The following BARX2 variants were observed in gnomAD, a reference collection of about 807,000 sequenced individuals.
The protein encoded by BARX2 is BARX homeobox 2.
A neutral mutation model predicts 25.5 loss-of-function variants in BARX2; 11 were observed. The ratio of observed to expected loss-of-function variants is 0.43; its 90% CI spans 0.27 to 0.71. The LOEUF is 0.71. Ranked by LOEUF, BARX2 falls within the 30% of genes least tolerant of loss-of-function variation. The pLI is 0.19. For synonymous variants in BARX2, 137 were observed against 149.5 expected, an observed-to-expected ratio of 0.92 and a Z score of 0.61; for missense variants, 360 against 359.9, an observed-to-expected ratio of 1.00 and a Z score of 0.00.
chr11:129,391,176 G>T (rs1004395070), intron 1 of BARX2, among the ~76,000 whole-genome samples: 6 of 152,160 alleles, frequency 3.9e-5, no homozygotes, highest in African/African-American at 1.4e-4. Context: ...CCAGGGATTG[G>T]CTAAATCTGG....
At chr11:129,441,922 C>T (rs1162680226) in intron 2 of BARX2, among the ~76,000 whole-genome samples, 1 of 152,150 alleles carries the variant, frequency 6.6e-6, no homozygotes, top group East Asian at 1.9e-4. Context: ...AGGGGCTTAG[C>T]ATGTACCCTG....
At chr11:129,386,437 TG>T (rs1861617019) in intron 1 of BARX2, among the ~76,000 whole-genome samples, 1 of 152,224 alleles carries the variant, frequency 6.6e-6, no homozygotes, top group African/African-American at 2.4e-5. Flanking sequence ...GAAAGAATAA[TG>T]TTGATATTGG....
intron 2 of BARX2, among the ~76,000 whole-genome samples, chr11:129,439,823 C>T (rs1862235205): frequency 6.6e-6 from 1 of 152,190 alleles, no homozygotes; most frequent in African/African-American, 2.4e-5. Flanking sequence ...GTGGAGTGGG[C>T]ACCTTTGTCT....
intron 1 of BARX2, among the ~76,000 whole-genome samples, chr11:129,380,720 C>A (rs1270104238): frequency 6.6e-6 from 1 of 151,982 alleles, no homozygotes; most frequent in African/African-American, 2.4e-5. Flanking sequence ...CATCCAGGGT[C>A]AGTATATATT....
chr11:129,451,786 A>G lies in BARX2; in HGVS notation c.*384A>G, dbSNP rs185444315. ...CCTCTGGGCAGCCAGTCATCAAAGC[A>G]GAGAGACGTGGCGGCATGTGGGCAG... On this transcript the variant is annotated 3_prime_UTR_variant, in exon 4 of 4. Transcript: ENST00000281437. 2 of 174,796 alleles carry G rather than the reference A, an allele frequency of 1.1e-5. No homozygotes were observed. Among genetic ancestry groups the G allele is most frequent in the East Asian group, 1.5e-4 (1 of 6,712 alleles). 10.8% of individuals were successfully genotyped at this position (174,796 alleles called of 1,614,324 possible). A position where few individuals can be genotyped will look rare whatever the true frequency, so the allele number is the denominator to read the frequency against.
chr11:129,437,523 A>T (rs1862205366), intron 2 of BARX2: 2 of 986,144 alleles, frequency 2.0e-6, no homozygotes, highest in South Asian at 9.4e-5. Flanking sequence ...GACTGGAGGG[A>T]TCCAGTTGAG....
intron 1 of BARX2, among the ~76,000 whole-genome samples, chr11:129,432,161 C>G (rs762141002): frequency 6.6e-6 from 1 of 152,078 alleles, no homozygotes; most frequent in African/African-American, 2.4e-5. Context: ...CTCCCGGGTT[C>G]AAGGGATTCT....
At chr11:129,379,908 A>G (rs537657213) in intron 1 of BARX2, among the ~76,000 whole-genome samples, 7 of 152,004 alleles carry the variant, frequency 4.6e-5, no homozygotes, top group Non-Finnish European at 8.8e-5. Context: ...GAGACTTTTA[A>G]TTATTCCACT....
At chr11:129,429,853 C>A (rs1481332043) in intron 1 of BARX2, among the ~76,000 whole-genome samples, 1 of 152,110 alleles carries the variant, frequency 6.6e-6, no homozygotes, top group African/African-American at 2.4e-5. Flanking sequence ...GGAGTATATT[C>A]ATGGATTTCA....
At chr11:129,418,234 C>A (rs917963182) in intron 1 of BARX2, among the ~76,000 whole-genome samples, 24 of 152,186 alleles carry the variant, frequency 1.6e-4, no homozygotes, top group African/African-American at 5.1e-4. Flanking sequence ...GGCCTCTCTG[C>A]TTCTCATGTG....
rs1411449892 is a variant in BARX2, at chr11:129,451,275, A to G, written c.713A>G (p.Gln238Arg). 1 of 1,614,200 alleles carries G rather than the reference A, an allele frequency of 6.2e-7. No homozygotes were observed. The highest frequency in any genetic ancestry group is 1.1e-5 in the South Asian group (1 of 91,076). ...AQGQEQLEPS[Q>R]GQEELCEAQE... ...GGTCAGGAGCAGCTGGAGCCCTCTC[A>G]GGGGCAGGAGGAGCTCTGTGAAGCA... The change falls in exon 4 of 4, where the codon CAG (glutamine) becomes CGG (arginine). Residue 238 changes from glutamine (Q) to arginine (R), a missense_variant. This residue lies in a region of BARX2 where 114 missense variants were observed against 109.4 expected (regional missense o/e 1.04). Coordinates refer to ENST00000281437, the MANE Select transcript of BARX2 (RefSeq NM_003658.5).
chr11:129,440,711 G>T (rs979381888), intron 2 of BARX2, among the ~76,000 whole-genome samples: 2 of 152,210 alleles, frequency 1.3e-5, no homozygotes, highest in African/African-American at 2.4e-5. Context: ...ATGCAGCCTG[G>T]TCAGAGCAGG....
chr11:129,432,208 G>A (rs967486161), intron 1 of BARX2, among the ~76,000 whole-genome samples: 11 of 152,130 alleles, frequency 7.2e-5, no homozygotes, highest in African/African-American at 9.6e-5. Context: ...GATTACAGGT[G>A]CGTGCCACCA....
At chr11:129,398,519 G>A (rs1442489297) in intron 1 of BARX2, among the ~76,000 whole-genome samples, 2 of 152,164 alleles carry the variant, frequency 1.3e-5, no homozygotes, top group African/African-American at 4.8e-5. Context: ...TGTAAAATTT[G>A]CCTATTCCAA....
At chr11:129,417,253 AG>A (rs1861955329) in intron 1 of BARX2, among the ~76,000 whole-genome samples, 1 of 152,146 alleles carries the variant, frequency 6.6e-6, no homozygotes, top group East Asian at 1.9e-4. Flanking sequence ...GTCTTCTGCC[AG>A]TGCTTTGCTA....
At chr11:129,389,681 C>A (rs942499205) in intron 1 of BARX2, among the ~76,000 whole-genome samples, 2 of 147,280 alleles carry the variant, frequency 1.4e-5, no homozygotes, top group African/African-American at 5.0e-5. Context: ...CGTTTGATTT[C>A]TTTTCTTCTT....
At chr11:129,429,571 A>G (rs554463502) in intron 1 of BARX2, among the ~76,000 whole-genome samples, 2 of 152,160 alleles carry the variant, frequency 1.3e-5, no homozygotes, top group Non-Finnish European at 2.9e-5. Context: ...ATTAATGTCA[A>G]TAGCCAAGAA....
chr11:129,391,826 C>G (rs1457459114), intron 1 of BARX2, among the ~76,000 whole-genome samples: 1 of 152,166 alleles, frequency 6.6e-6, no homozygotes, highest in Non-Finnish European at 1.5e-5. Flanking sequence ...GCAGCCCCGA[C>G]CGGTTTTCCC....
chr11:129,440,121 A>C (rs1412036034), intron 2 of BARX2, among the ~76,000 whole-genome samples: 3 of 152,042 alleles, frequency 2.0e-5, no homozygotes, highest in Non-Finnish European at 4.4e-5. Flanking sequence ...CTCCTCCCAC[A>C]GCTCTCACCC....
Sources: gnomAD v4.1 joint callset for allele counts (sites outside exome capture counted in the v4.1 genomes callset) on GRCh38, gnomAD v4.1.1 for gene constraint, gnomAD v4.1.1 regional missense constraint, MANE v1.5 for transcripts, NCBI Gene and HGNC (gene_info 2026-07-23, HGNC 2026-07-21) for gene names.